The following APBB1IP variants were observed in gnomAD, a reference collection of about 807,000 sequenced individuals.
APBB1IP encodes amyloid beta precursor protein binding family B member 1 interacting protein.
Under a neutral mutation model 64.9 loss-of-function variants are expected in APBB1IP, and 27 were observed. The observed-to-expected ratio is 0.42, with a 90% CI of 0.31 to 0.57. The LOEUF (loss-of-function observed/expected upper bound fraction) is 0.57. Among genes scored for constraint, APBB1IP ranks in the 20% least tolerant of loss-of-function variants. APBB1IP has a pLI of 0.20. For missense variants in APBB1IP, 812 were observed against 845.5 expected (o/e 0.96, Z 0.49); for synonymous variants, 392 against 331.0 (o/e 1.18, Z -2.00).
intron 2 of APBB1IP, among the ~76,000 whole-genome samples, chr10:26,443,965 G>T (rs1835364866): frequency 6.6e-6 from 1 of 152,132 alleles, no homozygotes; most frequent in Admixed American, 6.5e-5. Flanking sequence ...TTATTCTGGT[G>T]GACAGATACA....
intron 2 of APBB1IP, among the ~76,000 whole-genome samples, chr10:26,476,509 T>C (rs1835778603): frequency 6.6e-6 from 1 of 151,466 alleles, no homozygotes; most frequent in Non-Finnish European, 1.5e-5. Flanking sequence ...TAAAAAGTTT[T>C]AAAACTTAAA....
At chr10:26,468,664 A>T (rs190976386) in intron 2 of APBB1IP, among the ~76,000 whole-genome samples, 15 of 151,940 alleles carry the variant, frequency 9.9e-5, no homozygotes, top group Non-Finnish European at 1.3e-4. Context: ...CAAAACCACA[A>T]TTAGTTTTGC....
intron 10 of APBB1IP, among the ~76,000 whole-genome samples, chr10:26,540,440 C>A (rs866724723): frequency 8.6e-5 from 13 of 151,982 alleles, no homozygotes; most frequent in East Asian, 7.7e-4. Flanking sequence ...AACTATGGTA[C>A]CTTTGGAGAA....
chr10:26,523,733 C>A (rs1836434026), intron 8 of APBB1IP, among the ~76,000 whole-genome samples: 1 of 151,872 alleles, frequency 6.6e-6, no homozygotes, highest in Admixed American at 6.6e-5. Context: ...TTTTGGGAGG[C>A]CAAGGTGGGA....
chr10:26,526,436 T>C (rs1365880266), intron 8 of APBB1IP, among the ~76,000 whole-genome samples: 1 of 152,160 alleles, frequency 6.6e-6, no homozygotes, highest in Non-Finnish European at 1.5e-5. Flanking sequence ...AAAAATAATA[T>C]CTGGCCAGGC....
At chr10:26,504,720 A>AT (rs1169652826) in intron 6 of APBB1IP, among the ~76,000 whole-genome samples, 1 of 151,608 alleles carries the variant, frequency 6.6e-6, no homozygotes, top group South Asian at 2.1e-4. Context: ...AAAAAAAAAA[A>AT]TTAAAAAAAA....
chr10:26,507,272 C>T (rs893389478), intron 6 of APBB1IP, among the ~76,000 whole-genome samples: 9 of 152,114 alleles, frequency 5.9e-5, no homozygotes, highest in African/African-American at 1.4e-4. Flanking sequence ...GCAGGAGGAT[C>T]GCCTGAGGTC....
At chr10:26,524,203 A>C (rs1014137385) in intron 8 of APBB1IP, among the ~76,000 whole-genome samples, 3 of 152,182 alleles carry the variant, frequency 2.0e-5, no homozygotes, top group African/African-American at 7.2e-5. Context: ...AAACCTAGAA[A>C]GATCACTCTC....
intron 11 of APBB1IP, among the ~76,000 whole-genome samples, chr10:26,551,507 G>T (rs1054158961): frequency 4.6e-5 from 7 of 152,182 alleles, no homozygotes; most frequent in Admixed American, 1.3e-4. Flanking sequence ...TTTGTGCGTG[G>T]ATAGAAGCCG....
At chr10:26,512,521 A>T (rs1230992555) in intron 7 of APBB1IP, among the ~76,000 whole-genome samples, 1 of 152,064 alleles carries the variant, frequency 6.6e-6, no homozygotes, top group East Asian at 1.9e-4. Context: ...TTTCAGCCTC[A>T]GTGCAAAGAA....
intron 11 of APBB1IP, among the ~76,000 whole-genome samples, chr10:26,557,157 G>A (rs1836904738): frequency 6.6e-6 from 1 of 152,184 alleles, no homozygotes; most frequent in East Asian, 1.9e-4. Context: ...ATCATTATTG[G>A]AGTAACATTT....
intron 8 of APBB1IP, among the ~76,000 whole-genome samples, chr10:26,518,148 T>A (rs1166712219): frequency 6.6e-6 from 1 of 151,934 alleles, no homozygotes; most frequent in Non-Finnish European, 1.5e-5. Context: ...ACAGGCAGGG[T>A]TTCACCATGT....
chr10:26,516,452 G>A (rs1836329040), intron 8 of APBB1IP, among the ~76,000 whole-genome samples: 2 of 145,544 alleles, frequency 1.4e-5, no homozygotes, highest in Non-Finnish European at 3.0e-5. Flanking sequence ...CTGAGGAAGG[G>A]AGAATTGCTT....
At chr10:26,489,148 A>G (rs1053370790) in intron 2 of APBB1IP, among the ~76,000 whole-genome samples, 1 of 152,228 alleles carries the variant, frequency 6.6e-6, no homozygotes, top group Non-Finnish European at 1.5e-5. Flanking sequence ...CAATTCAAGC[A>G]TCTGTCCTCC....
Position 26,496,316 on chromosome 10 carries a change from G to A in APBB1IP, c.85G>A (p.Asp29Asn). ...MDLLTQSLGVDTLPPPDPNPP... is the reference protein window; with the variant it reads ...MDLLTQSLGVNTLPPPDPNPP... Reference sequence around the variant, plus strand: ...TCTTTTTTCACAGAGTTTAGGAGTTGACACTCTCCCTCCTCCTGACCCTAA... The same window carrying A: ...TCTTTTTTCACAGAGTTTAGGAGTTAACACTCTCCCTCCTCCTGACCCTAA... Residue 29 changes from aspartate (D) to asparagine (N), a missense_variant, in exon 4 of 15, where the codon GAC (aspartate) becomes AAC (asparagine). By Grantham distance (23) the Asp-to-Asn change is conservative. Coordinates refer to ENST00000376236, the MANE Select transcript of APBB1IP (RefSeq NM_019043.4). 1 of 1,612,322 alleles carries A rather than the reference G, an allele frequency of 6.2e-7. No homozygotes were observed. The highest frequency in any genetic ancestry group is 8.5e-7 in the Non-Finnish European group (1 of 1,178,822).
intron 2 of APBB1IP, among the ~76,000 whole-genome samples, chr10:26,472,598 T>TTCATTCAC (rs1421594366): frequency 7.9e-5 from 12 of 151,942 alleles, no homozygotes; most frequent in Non-Finnish European, 1.3e-4. Flanking sequence ...CATTCATTCA[T>TTCATTCAC]TCACATTTTC....
chr10:26,493,658 T>A (rs1268617843), intron 3 of APBB1IP, among the ~76,000 whole-genome samples: 2 of 152,198 alleles, frequency 1.3e-5, no homozygotes, highest in African/African-American at 4.8e-5. Context: ...CCTGACTATA[T>A]TCTTTTGAGT....
chr10:26,441,620 C>A (rs1468605807), intron 2 of APBB1IP, among the ~76,000 whole-genome samples: 3 of 152,094 alleles, frequency 2.0e-5, no homozygotes. Context: ...ATATCACAAG[C>A]CCCTGAGATC....
In APBB1IP at chr10:26,451,060, T is replaced by C. The variant is rs529540582; in HGVS notation, c.-1+12207T>C. Among the ~76,000 whole-genome samples, 5 of 152,032 alleles carry C rather than the reference T, an allele frequency of 3.3e-5. No homozygotes were observed. In the South Asian group the frequency reaches 1.0e-3, roughly 32 times the overall value. On this transcript the variant is annotated intron_variant, in intron 2 of 14. Transcript: ENST00000376236. ...TGTGAAAAGTGTTAACTATTATAGATTGGCAAAATACACAGGACGTTGAGA... is the reference window on the plus strand; with the variant it reads ...TGTGAAAAGTGTTAACTATTATAGACTGGCAAAATACACAGGACGTTGAGA...
Sources: gnomAD v4.1 joint callset for allele counts (sites outside exome capture counted in the v4.1 genomes callset) on GRCh38, gnomAD v4.1.1 for gene constraint, MANE v1.5 for transcripts, NCBI Gene and HGNC (gene_info 2026-07-23, HGNC 2026-07-21) for gene names.